The following CTNNA3 variants were observed in gnomAD, a reference collection of about 807,000 sequenced individuals.
CTNNA3 encodes the protein catenin alpha-3.
A neutral mutation model predicts 95.7 loss-of-function variants in CTNNA3; 76 were observed. The ratio of observed to expected loss-of-function variants is 0.79; its 90% confidence interval spans 0.66 to 0.96. The LOEUF (loss-of-function observed/expected upper bound fraction) is 0.96. Ranked by LOEUF, CTNNA3 falls within the 40% of genes least tolerant of loss-of-function variation. The pLI is 0.00. For synonymous variants in CTNNA3, 431 were observed against 374.4 expected (o/e 1.15, Z -1.74); for missense variants, 1,191 against 1,089.8 (o/e 1.09, Z -1.31).
intron 15 of CTNNA3, among the ~76,000 whole-genome samples, chr10:66,066,283 T>C (rs1283206203): frequency 2.0e-5 from 3 of 152,212 alleles, no homozygotes; most frequent in Non-Finnish European, 2.9e-5. Flanking sequence ...AAGTTGTAAT[T>C]AAATTATCCA....
At chr10:66,031,540 A>G (rs1033803089) in intron 15 of CTNNA3, among the ~76,000 whole-genome samples, 1 of 152,144 alleles carries the variant, frequency 6.6e-6, no homozygotes, top group Non-Finnish European at 1.5e-5. Context: ...GGGAAAATAG[A>G]CACTGGAGCC....
intron 12 of CTNNA3, among the ~76,000 whole-genome samples, chr10:66,345,090 G>GA (rs1455262714): frequency 6.6e-6 from 1 of 151,954 alleles, no homozygotes; most frequent in Admixed American, 6.6e-5. Context: ...TCATAAATTA[G>GA]AAAAAATATG....
intron 15 of CTNNA3, among the ~76,000 whole-genome samples, chr10:66,059,077 G>A (rs1450967090): frequency 1.9e-5 from 2 of 106,576 alleles, no homozygotes; most frequent in African/African-American, 6.0e-5. Flanking sequence ...TATTAACAAA[G>A]AGGTTTTCAG....
At chr10:66,886,314 A>G (rs1426531023) in intron 7 of CTNNA3, among the ~76,000 whole-genome samples, 1 of 152,068 alleles carries the variant, frequency 6.6e-6, no homozygotes, top group East Asian at 1.9e-4. Flanking sequence ...GGATAGACTA[A>G]AGAAGCTCTG....
At chr10:66,409,575 T>C (rs1158560359) in intron 11 of CTNNA3, among the ~76,000 whole-genome samples, 3 of 152,142 alleles carry the variant, frequency 2.0e-5, no homozygotes, top group African/African-American at 7.2e-5. Context: ...TCTGATTTTG[T>C]GGAATTTTAA....
chr10:66,893,542 C>CAA (rs147367482), intron 7 of CTNNA3, among the ~76,000 whole-genome samples: 3 of 131,438 alleles, frequency 2.3e-5, no homozygotes, highest in South Asian at 2.5e-4. Flanking sequence ...AACAGAATTT[C>CAA]AAAAAAAAAA....
intron 11 of CTNNA3, among the ~76,000 whole-genome samples, chr10:66,475,982 A>G (rs181718327): frequency 6.6e-6 from 1 of 152,288 alleles, no homozygotes; most frequent in East Asian, 1.9e-4. Flanking sequence ...TCAATGATAG[A>G]CTGGATAAAG....
At chr10:66,825,890 A>T (rs1842489706) in intron 7 of CTNNA3, among the ~76,000 whole-genome samples, 1 of 152,154 alleles carries the variant, frequency 6.6e-6, no homozygotes. Flanking sequence ...GGCCCTAAGA[A>T]TTGTTTCAAA....
chr10:67,761,810 G>A (rs1051388743), intron 1 of CTNNA3, among the ~76,000 whole-genome samples: 3 of 151,466 alleles, frequency 2.0e-5, no homozygotes, highest in South Asian at 2.1e-4. Flanking sequence ...CCCACGAGGC[G>A]GAGCTTGCAG....
chr10:67,394,735 A>T (rs910150029), intron 5 of CTNNA3, among the ~76,000 whole-genome samples: 2 of 152,112 alleles, frequency 1.3e-5, no homozygotes, highest in Non-Finnish European at 1.5e-5. Flanking sequence ...AACTGTAGTT[A>T]TTCAGGTCAT....
At position 66,520,245 on chromosome 10, in the gene CTNNA3, C is replaced by CTTT. The variant is rs543882241; in HGVS notation, c.1531+369_1531+371dup. Among the ~76,000 whole-genome samples, 461 of 78,044 alleles carry CTTT rather than the reference C, an allele frequency of 5.9e-3. 20 individuals are homozygous for CTTT. The highest frequency in any genetic ancestry group is 0.05 in the East Asian group (124 of 2,468). 51.2% of individuals were successfully genotyped at this position (78,044 alleles called of 152,430 possible). The stretch of plus-strand genomic sequence containing the variant: ...AAAATTAATCTTATTTAGTATTATT[C>CTTT]TTTTTTTTTTTTTTTTTTTTTTTTG... On this transcript the variant is annotated intron_variant, in intron 11 of 17. Transcript: ENST00000433211.
chr10:67,747,669 C>T (rs184231991), intron 1 of CTNNA3, among the ~76,000 whole-genome samples: 18 of 152,282 alleles, frequency 1.2e-4, no homozygotes, highest in East Asian at 3.9e-4. Context: ...AACGAAAAAA[C>T]GCTAAAAACT....
chr10:66,999,767 T>A (rs530769186), intron 7 of CTNNA3, among the ~76,000 whole-genome samples: 1 of 152,334 alleles, frequency 6.6e-6, no homozygotes, highest in South Asian at 2.1e-4. Flanking sequence ...CAATTTATCT[T>A]AGTTGAATTT....
chr10:66,296,584 C>CAG (rs386371654), intron 12 of CTNNA3, among the ~76,000 whole-genome samples: 29 of 146,058 alleles, frequency 2.0e-4, no homozygotes, highest in African/African-American at 7.2e-4. Flanking sequence ...CACACACACA[C>CAG]AGATCTATAT....
At chr10:67,320,916 T>C (rs1466501519) in intron 5 of CTNNA3, among the ~76,000 whole-genome samples, 1 of 152,232 alleles carries the variant, frequency 6.6e-6, no homozygotes. Context: ...GTAGTTATTT[T>C]AGCTGTTAAA....
intron 1 of CTNNA3, among the ~76,000 whole-genome samples, chr10:67,738,602 G>A (rs1248515655): frequency 6.6e-6 from 1 of 152,028 alleles, no homozygotes. Context: ...TGACTTTGAT[G>A]AGTTGAGAGA....
chr10:66,215,629 G>A (rs992155440), intron 13 of CTNNA3, among the ~76,000 whole-genome samples: 1 of 152,136 alleles, frequency 6.6e-6, no homozygotes, highest in East Asian at 1.9e-4. Context: ...AAGCTAAGAT[G>A]GTGGTAGGGA....
chr10:66,486,550 G>A (rs1839733207), intron 11 of CTNNA3, among the ~76,000 whole-genome samples: 1 of 152,090 alleles, frequency 6.6e-6, no homozygotes, highest in Non-Finnish European at 1.5e-5. Context: ...TAAGAAGTAT[G>A]GGCAAGGCCA....
intron 8 of CTNNA3, among the ~76,000 whole-genome samples, chr10:66,772,458 G>T (rs1380854815): frequency 1.5e-5 from 2 of 137,566 alleles, no homozygotes; most frequent in Non-Finnish European, 3.1e-5. Flanking sequence ...AGAGAGAAAA[G>T]AAAACAGGTT....
Sources: allele counts gnomAD v4.1 joint callset (sites outside exome capture counted in the v4.1 genomes callset), GRCh38; gene constraint gnomAD v4.1.1; transcripts MANE v1.5; gene names NCBI Gene and HGNC (gene_info 2026-07-23, HGNC 2026-07-21).